MAN1C1: variants seen among roughly 807,000 people sequenced by gnomAD.
MAN1C1 encodes the protein mannosidase alpha class 1C member 1, also known as mannosyl-oligosaccharide 1,2-alpha-mannosidase IC.
A neutral mutation model predicts 71.5 loss-of-function variants in MAN1C1; 49 were observed. The ratio of observed to expected loss-of-function variants is 0.69; its 90% CI spans 0.54 to 0.87. MAN1C1 has a LOEUF of 0.87. MAN1C1 is among the 40% of genes least tolerant of loss of function. The pLI, the probability that MAN1C1 is intolerant of heterozygous loss-of-function variation, is 0.00. For missense variants in MAN1C1, 743 were observed against 835.0 expected, an observed-to-expected ratio of 0.89 and a Z score of 1.36; for synonymous variants, 352 against 343.7, an observed-to-expected ratio of 1.02 and a Z score of -0.27.
intron 2 of MAN1C1, among the ~76,000 whole-genome samples, chr1:25,694,821 G>A (rs933417337): frequency 1.3e-5 from 2 of 152,182 alleles, no homozygotes; most frequent in Non-Finnish European, 2.9e-5. Flanking sequence ...TATGTTTCTG[G>A]GAGGTAGCAG....
intron 1 of MAN1C1, among the ~76,000 whole-genome samples, chr1:25,674,038 A>G (rs1355659014): frequency 2.0e-5 from 3 of 151,976 alleles, no homozygotes; most frequent in African/African-American, 7.2e-5. Context: ...CTAACACCCA[A>G]TCTGTGATAG....
intron 1 of MAN1C1, among the ~76,000 whole-genome samples, chr1:25,643,431 T>C (rs2045565404): frequency 6.9e-6 from 1 of 144,984 alleles, no homozygotes; most frequent in African/African-American, 2.6e-5. Flanking sequence ...ATTTTTTTTT[T>C]TTTTTTTTTT....
Position 25,699,448 on chromosome 1 carries a change from G to A in MAN1C1, c.637+12912G>A, listed in dbSNP as rs377064127. Among the ~76,000 whole-genome samples the A allele has an allele frequency of 3.1e-4, 47 of 152,256 alleles. 1 individual carries two copies. Among genetic ancestry groups the A allele is most frequent in the African/African-American group, 1.1e-3 (47 of 41,530 alleles). On this transcript the variant is annotated intron_variant, in intron 2 of 11. Coordinates refer to ENST00000374332, the MANE Select transcript of MAN1C1 (RefSeq NM_020379.4). ...AAGATGTTCAGTGTGGCTGTACTGG[G>A]TGGGGGCCATGGTAAGAGACCATCT...
At chr1:25,758,529 CTG>C in intron 5 of MAN1C1, 61 bp from the exon 6 acceptor site, 1 of 1,429,388 alleles carries the variant, frequency 7.0e-7, no homozygotes, top group Non-Finnish European at 9.8e-7. Flanking sequence ...GCTGCTGTTA[CTG>C]TCAGCAGAGG....
rs1268552168 is a variant in MAN1C1, at chr1:25,725,962, A to C, written c.638-20706A>C. On this transcript the variant is annotated intron_variant, in intron 2 of 11. Coordinates refer to ENST00000374332, the MANE Select transcript of MAN1C1 (RefSeq NM_020379.4). The surrounding 1 kb of genome is among the most constrained non-coding windows in gnomAD (Gnocchi z 4.8). ...GCATGAAATGAAAGGTGAGGCTTTCATCTGAGTGAGCTGCCCAGCTGGGCA... is the reference window on the plus strand; with the variant it reads ...GCATGAAATGAAAGGTGAGGCTTTCCTCTGAGTGAGCTGCCCAGCTGGGCA... Among the ~76,000 whole-genome samples, 1 of 152,216 alleles carries C rather than the reference A, an allele frequency of 6.6e-6. No homozygotes were observed. Among genetic ancestry groups the C allele is most frequent in the African/African-American group, 2.4e-5 (1 of 41,470 alleles).
intron 2 of MAN1C1, among the ~76,000 whole-genome samples, chr1:25,718,922 T>C (rs186359545): frequency 2.0e-5 from 3 of 152,176 alleles, no homozygotes; most frequent in African/African-American, 7.2e-5. Context: ...ACATATGTTT[T>C]TATTTCTCTT....
At chr1:25,713,040 C>T (rs145372543) in intron 2 of MAN1C1, among the ~76,000 whole-genome samples, 2 of 152,318 alleles carry the variant, frequency 1.3e-5, no homozygotes, top group East Asian at 3.9e-4. Flanking sequence ...TGATATGAAT[C>T]TTCTTGCATA....
At chr1:25,709,121 GGT>G in intron 2 of MAN1C1, among the ~76,000 whole-genome samples, 1 of 152,152 alleles carries the variant, frequency 6.6e-6, no homozygotes, top group Non-Finnish European at 1.5e-5. Flanking sequence ...GGTTGAAGGG[GGT>G]GGAAGATCAT....
At chr1:25,666,990 C>A (rs1262365626) in intron 1 of MAN1C1, among the ~76,000 whole-genome samples, 1 of 152,136 alleles carries the variant, frequency 6.6e-6, no homozygotes, top group Non-Finnish European at 1.5e-5. Context: ...GTTTACAGGC[C>A]CCAGCAGGAA....
rs2046608113 is a variant in MAN1C1, at chr1:25,711,141, A to G, written c.637+24605A>G. Among the ~76,000 whole-genome samples, 1 of 152,212 alleles carries G rather than the reference A, an allele frequency of 6.6e-6. No individual in the cohort carries two copies. Among genetic ancestry groups the G allele is most frequent in the South Asian group, 2.1e-4 (1 of 4,822 alleles). On this transcript the variant is annotated intron_variant, in intron 2 of 11. Coordinates refer to ENST00000374332, the MANE Select transcript of MAN1C1 (RefSeq NM_020379.4). This position sits in a 1 kb window ranked among gnomAD's most constrained non-coding sequence, Gnocchi z 4.3. ...CCTGGACTTCTCTCATGGCAGAGAT[A>G]GGGTCCAAAAGAACAGACAGAAGCA...
At position 25,617,833 on chromosome 1, in the gene MAN1C1, C is replaced by T. The variant is rs746602616; in HGVS notation, c.36C>T (p.Ala12=). The T allele has an allele frequency of 6.2e-6, 10 of 1,605,246 alleles. No individual in the cohort carries two copies. Among genetic ancestry groups the T allele is most frequent in the African/African-American group, 4.1e-5 (3 of 73,964 alleles). The change falls in exon 1 of 12, where the codon GCC becomes GCT. Residue 12 remains alanine (A), a synonymous_variant. Coordinates refer to ENST00000374332, the MANE Select transcript of MAN1C1 (RefSeq NM_020379.4). The surrounding 1 kb of genome is among the most constrained non-coding windows in gnomAD (Gnocchi z 5.1). ...GGAAAGTGCCCGGCTTCGTCCCGGC[C>T]TCCCCGTGGGGGCTGCGGCTGCCGC... ...LMRKVPGFVP[A]SPWGLRLPQK... is the part of the protein sequence containing the mutation.
chr1:25,618,215 C>A lies in MAN1C1; in HGVS notation c.418C>A (p.Pro140Thr). 1 of 1,596,266 alleles carries A rather than the reference C, an allele frequency of 6.3e-7. No homozygotes were observed. The highest frequency in any genetic ancestry group is 1.7e-4 in the Middle Eastern group (1 of 6,030). ...CTCCAGGCCCGGGGACGAGGGCGTC[C>A]CTTTCCGCTTTGACTTCAACGCATT... is the stretch of plus-strand genomic sequence containing the variant. ...PASRPGDEGV[P>T]FRFDFNAFRS... Residue 140 changes from proline (P) to threonine (T), a missense_variant, in exon 1 of 12, where the codon CCT becomes ACT. Pro to Thr is a conservative substitution (Grantham distance 38). Coordinates refer to ENST00000374332, the MANE Select transcript of MAN1C1 (RefSeq NM_020379.4).
At chr1:25,669,682 A>G (rs1344659871) in intron 1 of MAN1C1, among the ~76,000 whole-genome samples, 1 of 152,148 alleles carries the variant, frequency 6.6e-6, no homozygotes, top group African/African-American at 2.4e-5. Flanking sequence ...AGGGAGGCTG[A>G]GGTGAGAGGA....
intron 1 of MAN1C1, among the ~76,000 whole-genome samples, chr1:25,675,586 G>A (rs1207143843): frequency 1.9e-5 from 2 of 105,212 alleles, no homozygotes; most frequent in East Asian, 4.4e-4. Context: ...TTATTTTGCG[G>A]GGGGGGGGGG....
intron 2 of MAN1C1, among the ~76,000 whole-genome samples, chr1:25,727,371 C>T (rs1396974027): frequency 1.3e-5 from 2 of 152,206 alleles, no homozygotes; most frequent in East Asian, 1.9e-4. Context: ...GAACTCCTCA[C>T]GGGTCCCCAG....
At chr1:25,729,245 A>T (rs2046875800) in intron 2 of MAN1C1, among the ~76,000 whole-genome samples, 1 of 152,012 alleles carries the variant, frequency 6.6e-6, no homozygotes, top group Admixed American at 6.5e-5. Context: ...GGGCCTTTGC[A>T]CATGCTGTGC....
chr1:25,780,222 C>A (rs894652193), intron 9 of MAN1C1, among the ~76,000 whole-genome samples: 1 of 152,190 alleles, frequency 6.6e-6, no homozygotes, highest in South Asian at 2.1e-4. Flanking sequence ...CCTTTGAAAT[C>A]ATAAATAGTG....
At chr1:25,758,862 G>A (rs2047324585) in intron 6 of MAN1C1, 153 bp downstream of exon 6, 1 of 695,116 alleles carries the variant, frequency 1.4e-6, no homozygotes, top group East Asian at 2.5e-5. Context: ...GTAGCAAATA[G>A]TAGCTACCTA....
At chr1:25,759,700 G>A (rs1005949370) in intron 6 of MAN1C1, 1 of 152,172 alleles carries the variant, frequency 6.6e-6, no homozygotes, top group African/African-American at 2.4e-5. Flanking sequence ...TCACTCCAGG[G>A]CCAGGCATCT....
Sources: gnomAD v4.1 joint callset for allele counts (sites outside exome capture counted in the v4.1 genomes callset) on GRCh38, gnomAD v4.1.1 for gene constraint, Gnocchi (gnomAD v3.1) non-coding constraint, MANE v1.5 for transcripts, NCBI Gene and HGNC (gene_info 2026-07-23, HGNC 2026-07-21) for gene names.